The following TIMP2 variants were observed in gnomAD, a reference collection of about 807,000 sequenced individuals.
TIMP2 encodes the protein metalloproteinase inhibitor 2.
A neutral mutation model predicts 24.3 loss-of-function variants in TIMP2; 5 were observed. That is an observed-to-expected ratio of 0.21 (90% confidence interval 0.11 to 0.43). TIMP2 has a LOEUF of 0.43. Among genes scored for constraint, TIMP2 ranks in the 20% least tolerant of loss-of-function variants. The probability of loss-of-function intolerance (pLI) is 1.00; values close to 1 mark genes in which losing one functional copy is unlikely to be tolerated. For synonymous variants in TIMP2, 130 were observed against 123.2 expected (o/e 1.06, Z -0.37); for missense variants, 221 against 297.5 (o/e 0.74, Z 1.89).
At chr17:78,857,478 C>CA in intron 4 of TIMP2, 44 bp downstream of exon 4, 1 of 1,613,012 alleles carries the variant, frequency 6.2e-7, no homozygotes, top group South Asian at 1.1e-5. Flanking sequence ...CATCTGGAGA[C>CA]ACTGGGAGGA....
intron 3 of TIMP2, 87 bp from the exon 4 acceptor site, chr17:78,857,733 G>C: frequency 1.3e-6 from 2 of 1,562,330 alleles, no homozygotes; most frequent in Non-Finnish European, 8.7e-7. Flanking sequence ...GGGGCGCTGG[G>C]ATTTCGTTGC....
chr17:78,909,452 G>A (rs560155888), intron 1 of TIMP2, among the ~76,000 whole-genome samples: 77 of 146,190 alleles, frequency 5.3e-4, no homozygotes, highest in Non-Finnish European at 9.9e-4. Flanking sequence ...TAATCCCCCC[G>A]GACCTGAAGC....
At chr17:78,882,770 C>G (rs2069790305) in intron 1 of TIMP2, among the ~76,000 whole-genome samples, 1 of 152,250 alleles carries the variant, frequency 6.6e-6, no homozygotes, top group African/African-American at 2.4e-5. Flanking sequence ...AACGGAACTG[C>G]CCAGGGGCAC....
At chr17:78,912,173 T>C (rs908125761) in intron 1 of TIMP2, among the ~76,000 whole-genome samples, 1 of 152,150 alleles carries the variant, frequency 6.6e-6, no homozygotes, top group African/African-American at 2.4e-5. Flanking sequence ...TCAGAACCAG[T>C]CCCACTTGAC....
Position 78,870,969 on chromosome 17 carries a change from T to A in TIMP2, c.269A>T (p.Tyr90Phe), listed in dbSNP as rs374979973. Residue 90 changes from tyrosine to phenylalanine, a missense_variant, in exon 3 of 5, where the codon TAC becomes TTC. Coordinates refer to ENST00000262768, the MANE Select transcript of TIMP2 (RefSeq NM_003255.5). ...ACACACTGCCGAGGAGGGGGCCGTG[T>A]AGATAAACTCTATATCCTTCTCAGG... Reference protein sequence around the residue: ...KGPEKDIEFIYTAPSSAVCGV... With the variant: ...KGPEKDIEFIFTAPSSAVCGV... The A allele has an allele frequency of 2.5e-6, 4 of 1,613,732 alleles. No homozygotes were observed. The African/African-American group carries it at 5.3e-5, about 22-fold the overall frequency.
At chr17:78,908,089 C>T (rs1233352513) in intron 1 of TIMP2, among the ~76,000 whole-genome samples, 2 of 151,994 alleles carry the variant, frequency 1.3e-5, no homozygotes, top group Admixed American at 6.6e-5. Context: ...GAGTGGAGAT[C>T]GCACCACTGC....
chr17:78,890,783 G>A, intron 1 of TIMP2: 1 of 1,550,616 alleles, frequency 6.4e-7, no homozygotes, highest in Non-Finnish European at 8.7e-7. Flanking sequence ...GGTGCCCGAT[G>A]GGGAAGTGGT....
chr17:78,872,811 A>G (rs1445854753), intron 2 of TIMP2, among the ~76,000 whole-genome samples: 1 of 151,752 alleles, frequency 6.6e-6, no homozygotes, highest in Non-Finnish European at 1.5e-5. Context: ...TTCTGATAAC[A>G]TTGATTTTCA....
chr17:78,870,092 G>A (rs1226195120), intron 3 of TIMP2, among the ~76,000 whole-genome samples: 3 of 152,156 alleles, frequency 2.0e-5, no homozygotes, highest in African/African-American at 7.2e-5. Context: ...GCACAATAGC[G>A]AATGTATCTA....
At chr17:78,863,691 A>C (rs1313948542) in intron 3 of TIMP2, among the ~76,000 whole-genome samples, 2 of 152,162 alleles carry the variant, frequency 1.3e-5, no homozygotes, top group Non-Finnish European at 2.9e-5. Flanking sequence ...TTAGACCTTC[A>C]GTATGACTCT....
chr17:78,859,391 G>A (rs944064168), intron 3 of TIMP2, among the ~76,000 whole-genome samples: 3 of 152,354 alleles, frequency 2.0e-5, no homozygotes, highest in Non-Finnish European at 4.4e-5. Flanking sequence ...CAGGTGCGAT[G>A]GCTCATGCCT....
Position 78,853,133 on chromosome 17 carries a change from A to G in TIMP2, c.*2534T>C, listed in dbSNP as rs1216347924. ...TCAGACTTCATATTCCAGCATAAAC[A>G]CAGTGCTCCCCTCCCCCAAAAATCC... On this transcript the variant is annotated 3_prime_UTR_variant, in exon 5 of 5. Transcript: ENST00000262768. 6.6e-6 allele frequency: 1 copy of G among 152,632 alleles called. No individual in the cohort carries two copies. The highest frequency in any genetic ancestry group is 1.5e-5 in the Non-Finnish European group (1 of 68,044). 9.5% of individuals were successfully genotyped at this position (152,632 alleles called of 1,614,324 possible).
At chr17:78,857,397 G>C in intron 4 of TIMP2, 125 bp downstream of exon 4, 1 of 1,344,998 alleles carries the variant, frequency 7.4e-7, no homozygotes, top group Non-Finnish European at 1.0e-6. Flanking sequence ...TACCTTCCCA[G>C]AGCCTGGTCT....
Position 78,913,895 on chromosome 17 carries a change from G to GAAA in TIMP2, c.130+11061_130+11063dup, listed in dbSNP as rs34119062. On this transcript the variant is annotated intron_variant, in intron 1 of 4. Transcript: ENST00000262768. ...CCACGGAGCGAAACTCTGTCTCGGG[G>GAAA]AAAAAAAAAAAAAAAAAAAAATTCT... Among the ~76,000 whole-genome samples, 70 of 102,110 alleles carry GAAA rather than the reference G, an allele frequency of 6.9e-4. 2 individuals are homozygous for GAAA. Among genetic ancestry groups the GAAA allele is most frequent in the African/African-American group, 1.6e-3 (43 of 27,062 alleles). The allele number at this position is 102,110 out of a possible 152,430, so 67.0% of individuals were successfully genotyped here.
chr17:78,884,233 C>T (rs1318791781), intron 1 of TIMP2, among the ~76,000 whole-genome samples: 1 of 152,214 alleles, frequency 6.6e-6, no homozygotes, highest in Non-Finnish European at 1.5e-5. Flanking sequence ...AGGGTGACAA[C>T]TCCGGAGCCA....
intron 2 of TIMP2, among the ~76,000 whole-genome samples, chr17:78,873,310 T>A (rs1341658925): frequency 1.3e-3 from 121 of 94,884 alleles, no homozygotes; most frequent in Middle Eastern, 5.0e-3. Context: ...CATATTTTTT[T>A]TTTTTTTTTT....
intron 1 of TIMP2, chr17:78,922,289 A>T (rs2070313620): frequency 6.6e-6 from 1 of 152,154 alleles, no homozygotes; most frequent in African/African-American, 2.4e-5. Context: ...CCGGGACCCT[A>T]CCCTGGGATG....
intron 1 of TIMP2, among the ~76,000 whole-genome samples, chr17:78,878,730 T>G (rs1225850608): frequency 6.7e-5 from 9 of 133,954 alleles, no homozygotes; most frequent in Admixed American, 1.5e-4. Flanking sequence ...GAAGTGGGGG[T>G]GAGGGGCAGG....
intron 3 of TIMP2, among the ~76,000 whole-genome samples, chr17:78,862,906 G>A (rs932380021): frequency 2.6e-5 from 4 of 152,186 alleles, no homozygotes; most frequent in African/African-American, 4.8e-5. Flanking sequence ...TCCTTTTCAC[G>A]GCTGCGTAGT....
Sources: allele counts gnomAD v4.1 joint callset (sites outside exome capture counted in the v4.1 genomes callset), GRCh38; gene constraint gnomAD v4.1.1; transcripts MANE v1.5; gene names NCBI Gene and HGNC (gene_info 2026-07-23, HGNC 2026-07-21).